Variants in DROSHA observed in about 807,000 individuals in gnomAD.
DROSHA encodes drosha ribonuclease III.
A neutral mutation model predicts 181.9 loss-of-function variants in DROSHA; 56 were observed. The ratio of observed to expected loss-of-function variants is 0.31; its 90% CI spans 0.25 to 0.38. The LOEUF is 0.38. Ranked by LOEUF, DROSHA falls within the 10% of genes least tolerant of loss-of-function variation. The pLI, the probability that DROSHA is intolerant of heterozygous loss-of-function variation, is 1.00. For synonymous variants in DROSHA, 524 were observed against 591.2 expected (o/e 0.89, Z 1.65); for missense variants, 1,218 against 1,743.5 (o/e 0.70, Z 5.37).
intron 7 of DROSHA, 89 bp downstream of exon 7, chr5:31,515,365 C>A: frequency 9.5e-7 from 1 of 1,055,446 alleles, no homozygotes. Context: ...ACCAGTGACT[C>A]CCAAATACCA....
rs781066515 is a variant in DROSHA at position 31,526,321 on chromosome 5, G to C, written c.612C>G (p.Phe204Leu). The change falls in exon 5 of 36, where the codon TTC becomes TTG. Residue 204 changes from phenylalanine to leucine, a missense_variant. Physicochemically the swap from Phe to Leu is conservative, Grantham distance 22. Coordinates refer to ENST00000344624, the MANE Select transcript of DROSHA (RefSeq NM_001382508.1). ...GGAGTGGGTATGGAGGGAGATGTCTGAAATGAGGACTACTGCTGTTATTAG... is the reference window on the plus strand; with the variant it reads ...GGAGTGGGTATGGAGGGAGATGTCTCAAATGAGGACTACTGCTGTTATTAG... The part of the protein sequence containing the change: ...PSANNSSSPH[F>L]RHLPPYPLPK... 1 of 1,613,898 alleles carries C rather than the reference G, an allele frequency of 6.2e-7. No homozygotes were observed.
chr5:31,437,993 G>A (rs1474018192), intron 23 of DROSHA, among the ~76,000 whole-genome samples: 1 of 152,108 alleles, frequency 6.6e-6, no homozygotes, highest in Non-Finnish European at 1.5e-5. Flanking sequence ...ATGAAGCCCT[G>A]CCCGATGCCC....
chr5:31,419,905 T>A (rs1430444733), intron 30 of DROSHA, among the ~76,000 whole-genome samples: 1 of 151,982 alleles, frequency 6.6e-6, no homozygotes, highest in Non-Finnish European at 1.5e-5. Context: ...TTTATGAATT[T>A]AATATTAAGT....
At chr5:31,521,771 C>A (rs892577733) in intron 5 of DROSHA, among the ~76,000 whole-genome samples, 1 of 151,810 alleles carries the variant, frequency 6.6e-6, no homozygotes, top group Admixed American at 6.6e-5. Context: ...GGAAAAAAAA[C>A]TAAATAGAGA....
chr5:31,480,764 G>A lies in DROSHA; in HGVS notation c.2071+2790C>T, dbSNP rs74292532. Among the ~76,000 whole-genome samples, 3,295 of 152,226 alleles carry A rather than the reference G, an allele frequency of 0.022. 193 individuals are homozygous for A. In the East Asian group the frequency reaches 0.22, roughly 10 times the overall value. On this transcript the variant is annotated intron_variant, in intron 16 of 35. Coordinates refer to ENST00000344624, the MANE Select transcript of DROSHA (RefSeq NM_001382508.1). ...CTGCGTCCCTGCTATGTGCCATGAA[G>A]TATGTTAGCACTAGTGATACAACAA...
chr5:31,435,945 G>A, intron 24 of DROSHA, 81 bp from the exon 25 acceptor site: 1 of 1,286,320 alleles, frequency 7.8e-7, no homozygotes, highest in South Asian at 1.3e-5. Flanking sequence ...AAACAGGGCT[G>A]GCACACAGTA....
At position 31,410,708 on chromosome 5, in the gene DROSHA, T is replaced by C. The variant is rs756118145; in HGVS notation, c.3667+38A>G. ...AATACGGTTACTTGGACTTAAACTC[T>C]GAACCTGGAGGTTGAGAGAAAAGTG... On this transcript the variant is annotated intron_variant, in intron 31 of 35. Transcript: ENST00000344624. 1.9e-6 allele frequency: 3 copies of C among 1,597,832 alleles called. No homozygotes were observed. The East Asian group carries it at 6.8e-5, about 36-fold the overall frequency.
intron 11 of DROSHA, among the ~76,000 whole-genome samples, chr5:31,503,195 T>G (rs1481424305): frequency 1.3e-5 from 2 of 152,238 alleles, no homozygotes; most frequent in South Asian, 4.1e-4. Context: ...GAGGGGCACA[T>G]GAATGAAGTG....
chr5:31,526,581 G>C lies in DROSHA; in HGVS notation c.352C>G (p.Pro118Ala). ...RHPFPVPPCF[P>A]PMPPPMPCPN... The stretch of plus-strand genomic sequence containing the variant: ...CAAGGCATTGGTGGTGGCATGGGAG[G>C]AAAACAAGGAGGAACTGGGAAGGGG... The change falls in exon 5 of 36, where the codon CCT becomes GCT. Residue 118 changes from proline (P) to alanine (A), a missense_variant. By Grantham distance (27) the Pro-to-Ala change is conservative. Around this residue, in one of 8 missense-constraint regions of DROSHA, gnomAD observed 536 missense variants for 535.4 expected, o/e 1.00. Transcript: ENST00000344624. 2.0e-6 allele frequency: 3 copies of C among 1,524,730 alleles called. No individual in the cohort carries two copies. In the South Asian group the frequency reaches 3.9e-5, roughly 20 times the overall value. 94.5% of individuals were successfully genotyped at this position (1,524,730 alleles called of 1,614,324 possible).
chr5:31,461,657 T>C, intron 20 of DROSHA, among the ~76,000 whole-genome samples: 1 of 152,178 alleles, frequency 6.6e-6, no homozygotes, highest in East Asian at 1.9e-4. Flanking sequence ...ATAAACATAA[T>C]GAAAATATTT....
intron 16 of DROSHA, among the ~76,000 whole-genome samples, chr5:31,478,550 A>G (rs1406319937): frequency 6.6e-6 from 1 of 152,212 alleles, no homozygotes; most frequent in Non-Finnish European, 1.5e-5. Flanking sequence ...CCTGACCAAC[A>G]TGGCAAACCC....
At chr5:31,476,077 G>A (rs1270529561) in intron 16 of DROSHA, among the ~76,000 whole-genome samples, 1 of 152,160 alleles carries the variant, frequency 6.6e-6, no homozygotes, top group African/African-American at 2.4e-5. Flanking sequence ...AAGAAATAAG[G>A]CCATTGGCCG....
intron 35 of DROSHA, 130 bp downstream of exon 35, chr5:31,405,547 G>C: frequency 1.2e-6 from 1 of 857,156 alleles, no homozygotes; most frequent in Non-Finnish European, 1.8e-6. Flanking sequence ...TATTCTCTGT[G>C]TAAAGAATAA....
intron 16 of DROSHA, among the ~76,000 whole-genome samples, chr5:31,472,918 T>C (rs1749911157): frequency 6.6e-6 from 1 of 152,222 alleles, no homozygotes; most frequent in African/African-American, 2.4e-5. Flanking sequence ...AAAAAGCCAA[T>C]TAATCTAGTA....
At chr5:31,402,433 C>T (rs534752308) in intron 35 of DROSHA, among the ~76,000 whole-genome samples, 1 of 152,280 alleles carries the variant, frequency 6.6e-6, no homozygotes, top group Admixed American at 6.5e-5. Context: ...AGTACATTCA[C>T]ACAACTTTCA....
intron 4 of DROSHA, among the ~76,000 whole-genome samples, chr5:31,527,805 T>C (rs973687475): frequency 2.6e-5 from 4 of 152,216 alleles, no homozygotes; most frequent in African/African-American, 9.6e-5. Context: ...TTACCCAGTC[T>C]ATAGCATTTA....
At chr5:31,402,770 G>C (rs1740170463) in intron 35 of DROSHA, among the ~76,000 whole-genome samples, 1 of 152,178 alleles carries the variant, frequency 6.6e-6, no homozygotes, top group African/African-American at 2.4e-5. Context: ...GACCTGGTAT[G>C]TCTGGGGGTC....
chr5:31,405,838 G>A (rs1740592434), intron 34 of DROSHA, 115 bp from the exon 35 acceptor site: 7 of 877,986 alleles, frequency 8.0e-6, no homozygotes, highest in African/African-American at 4.1e-5. Context: ...TGATTTTCAC[G>A]TTCAGTGCAT....
chr5:31,471,763 T>C (rs1158809256), intron 17 of DROSHA, among the ~76,000 whole-genome samples: 1 of 152,208 alleles, frequency 6.6e-6, no homozygotes, highest in African/African-American at 2.4e-5. Context: ...TGCTCTCATA[T>C]GCTCCCAGAG....
Sources: allele counts gnomAD v4.1 joint callset (sites outside exome capture counted in the v4.1 genomes callset), GRCh38; gene constraint gnomAD v4.1.1; regional missense constraint gnomAD v4.1.1; transcripts MANE v1.5; gene names NCBI Gene and HGNC (gene_info 2026-07-23, HGNC 2026-07-21).